Variants in MAP4K5 observed in about 807,000 individuals in gnomAD.
MAP4K5 encodes the protein mitogen-activated protein kinase kinase kinase kinase 5.
In MAP4K5, 82 loss-of-function variants were observed where a neutral mutation model predicts 135.6. That is an observed-to-expected ratio of 0.60 (90% CI 0.51 to 0.73). MAP4K5 has a LOEUF of 0.73. Ranked by LOEUF, MAP4K5 falls within the 30% of genes least tolerant of loss-of-function variation. The pLI is 0.00. For synonymous variants in MAP4K5, 347 were observed against 335.0 expected, an observed-to-expected ratio of 1.04 and a Z score of -0.39; for missense variants, 907 against 1,010.9, an observed-to-expected ratio of 0.90 and a Z score of 1.39.
Position 50,560,777 on chromosome 14 carries a change from C to G in MAP4K5, c.-180+263G>C, listed in dbSNP as rs766743534. Among the ~76,000 whole-genome samples the G allele has an allele frequency of 5.5e-3, 833 of 152,272 alleles. 2 individuals are homozygous for G. The highest frequency in any genetic ancestry group is 7.3e-3 in the Non-Finnish European group (498 of 68,012). Reference sequence around the variant, plus strand: ...GCTGGCTCTGCAGGGCGCGGGCTCCCGGCGGCGGGCGGCGGGCGGCGCGCT... The same window carrying G: ...GCTGGCTCTGCAGGGCGCGGGCTCCGGGCGGCGGGCGGCGGGCGGCGCGCT... On this transcript the variant is annotated intron_variant, in intron 1 of 8. Transcript: ENST00000555216.
chr14:50,512,280 C>A (rs1296380277), intron 2 of MAP4K5, among the ~76,000 whole-genome samples: 1 of 151,918 alleles, frequency 6.6e-6, no homozygotes, highest in Non-Finnish European at 1.5e-5. Flanking sequence ...CATTTATGAG[C>A]CAATTTTTAT....
upstream of MAP4K5, among the ~76,000 whole-genome samples, chr14:50,537,574 A>G (rs1203460605): frequency 6.6e-6 from 1 of 152,152 alleles, no homozygotes; most frequent in Non-Finnish European, 1.5e-5. Flanking sequence ...GACACTCAAC[A>G]TGGCTTTCCC....
In MAP4K5 at chr14:50,429,172, A is replaced by C. The variant is rs1281179393; in HGVS notation, c.2233+20T>G. 1 of 1,420,748 alleles carries C rather than the reference A, an allele frequency of 7.0e-7. No homozygotes were observed. The highest frequency in any genetic ancestry group is 9.6e-7 in the Non-Finnish European group (1 of 1,043,706). The allele number at this position is 1,420,748 out of a possible 1,614,324, so 88.0% of individuals were successfully genotyped here. ...TTTATCAAGTAGTATACTCAAAATA[A>C]AATTAAAAATAGTACTTACTGTCTA... On this transcript the variant is annotated intron_variant, in intron 29 of 32. Coordinates refer to ENST00000682126, the MANE Select transcript of MAP4K5 (RefSeq NM_006575.6).
intron 3 of MAP4K5, among the ~76,000 whole-genome samples, chr14:50,501,816 G>A (rs1459376434): frequency 1.3e-5 from 2 of 152,092 alleles, no homozygotes; most frequent in Non-Finnish European, 2.9e-5. Flanking sequence ...CAATATGAGT[G>A]ACTAATGCAT....
At position 50,548,450 on chromosome 14, in the gene MAP4K5, G is replaced by A. The variant is rs529017998; in HGVS notation, c.-179-5866C>T. On this transcript the variant is annotated intron_variant, in intron 1 of 8. Coordinates refer to the MAP4K5 transcript ENST00000555216. ...AAGTCACTAGAGATGCCACAAGGATGACTTAGGGTTTGTGGCAAAAGCAGC... is the reference window on the plus strand; with the variant it reads ...AAGTCACTAGAGATGCCACAAGGATAACTTAGGGTTTGTGGCAAAAGCAGC... Among the ~76,000 whole-genome samples the A allele has an allele frequency of 3.9e-5, 6 of 152,308 alleles. No homozygotes were observed. The East Asian group carries it at 9.7e-4, about 25-fold the overall frequency.
Position 50,552,165 on chromosome 14 carries a change from G to A in MAP4K5, c.-180+8875C>T, listed in dbSNP as rs577364132. ...TGATAAATGAGTTCAGTAAAGTTTCGGGATACAAAATCAATGTACACAAAT... is the reference window on the plus strand; with the variant it reads ...TGATAAATGAGTTCAGTAAAGTTTCAGGATACAAAATCAATGTACACAAAT... On this transcript the variant is annotated intron_variant, in intron 1 of 8. Transcript: ENST00000555216. Among the ~76,000 whole-genome samples the A allele has an allele frequency of 2.7e-3, 407 of 152,026 alleles. 2 individuals are homozygous for A. The highest frequency in any genetic ancestry group is 4.8e-3 in the Non-Finnish European group (327 of 67,974).
chr14:50,529,399 C>G (rs1392414383), intron 2 of MAP4K5, among the ~76,000 whole-genome samples: 1 of 151,992 alleles, frequency 6.6e-6, no homozygotes, highest in East Asian at 1.9e-4. Context: ...AACAAACAGA[C>G]AAACAGAAGG....
intron 3 of MAP4K5, among the ~76,000 whole-genome samples, chr14:50,495,041 C>A (rs1438070475): frequency 6.6e-6 from 1 of 152,014 alleles, no homozygotes; most frequent in Non-Finnish European, 1.5e-5. Context: ...GTATATGATA[C>A]CAAAAGCACA....
upstream of MAP4K5, among the ~76,000 whole-genome samples, chr14:50,536,826 A>C (rs1376991604): frequency 6.6e-6 from 1 of 152,222 alleles, no homozygotes; most frequent in African/African-American, 2.4e-5. Flanking sequence ...AGAAATTTCT[A>C]AGCAGCAAAG....
intron 8 of MAP4K5, among the ~76,000 whole-genome samples, chr14:50,475,553 T>C (rs2037077119): frequency 6.6e-6 from 1 of 152,154 alleles, no homozygotes; most frequent in Admixed American, 6.5e-5. Context: ...GTATGAACTT[T>C]TTAAGTGTTG....
intron 9 of MAP4K5, among the ~76,000 whole-genome samples, 159 bp from the exon 10 acceptor site, chr14:50,468,941 C>A (rs769286876): frequency 5.9e-5 from 9 of 152,190 alleles, no homozygotes; most frequent in Non-Finnish European, 8.8e-5. Context: ...ATCTCTATTT[C>A]ACACACATAC....
At chr14:50,503,067 GA>G (rs993422083) in intron 3 of MAP4K5, among the ~76,000 whole-genome samples, 1 of 150,782 alleles carries the variant, frequency 6.6e-6, no homozygotes, top group African/African-American at 2.4e-5. Context: ...TTGTCGGAGA[GA>G]AAAAAGAACA....
intron 9 of MAP4K5, among the ~76,000 whole-genome samples, chr14:50,473,391 A>G (rs1351700951): frequency 6.6e-6 from 1 of 152,192 alleles, no homozygotes. Context: ...AAAAAAAAGA[A>G]ATCCGTAACT....
intron 3 of MAP4K5, among the ~76,000 whole-genome samples, chr14:50,500,774 TG>T (rs1438576757): frequency 1.3e-5 from 2 of 152,144 alleles, no homozygotes; most frequent in African/African-American, 4.8e-5. Flanking sequence ...TGAGGGAACT[TG>T]CTGACAGACT....
chr14:50,425,275 C>A (rs1002760898), intron 31 of MAP4K5, among the ~76,000 whole-genome samples: 2 of 152,170 alleles, frequency 1.3e-5, no homozygotes, highest in Non-Finnish European at 2.9e-5. Context: ...CCCTTCAAAT[C>A]CAGACTCTTC....
chr14:50,552,592 C>G (rs1014568147), intron 1 of MAP4K5, among the ~76,000 whole-genome samples: 4 of 152,188 alleles, frequency 2.6e-5, no homozygotes, highest in African/African-American at 9.6e-5. Flanking sequence ...CTGGAGGCAT[C>G]ACATTACCTG....
chr14:50,443,301 A>G (rs2036268386), intron 20 of MAP4K5, among the ~76,000 whole-genome samples: 1 of 152,026 alleles, frequency 6.6e-6, no homozygotes, highest in Admixed American at 6.6e-5. Flanking sequence ...CATCCCATTC[A>G]TGGGATCATG....
At position 50,443,797 on chromosome 14, in the gene MAP4K5, G is replaced by GT. The variant is rs779881101; in HGVS notation, c.1438-28dup. ...TATGGGAAAAATAAAATTTACTAGT[G>GT]TAAGACCTCCTAAGTCTTAAAAAGA... On this transcript the variant is annotated intron_variant, in intron 19 of 32. Coordinates refer to ENST00000682126, the MANE Select transcript of MAP4K5 (RefSeq NM_006575.6). The GT allele has an allele frequency of 1.8e-5, 28 of 1,587,088 alleles. No individual in the cohort carries two copies. In the South Asian group the frequency reaches 3.1e-4, roughly 18 times the overall value.
At chr14:50,442,086 T>C (rs1306764075) in intron 21 of MAP4K5, among the ~76,000 whole-genome samples, 1 of 152,186 alleles carries the variant, frequency 6.6e-6, no homozygotes, top group Non-Finnish European at 1.5e-5. Context: ...CAGATTTATT[T>C]GATTCCAAAT....
Sources: gnomAD v4.1 joint callset for allele counts (sites outside exome capture counted in the v4.1 genomes callset) on GRCh38, gnomAD v4.1.1 for gene constraint, MANE v1.5 for transcripts, NCBI Gene and HGNC (gene_info 2026-07-23, HGNC 2026-07-21) for gene names.